The following INCA1 variants were observed in gnomAD, a reference collection of about 807,000 sequenced individuals.
The protein encoded by INCA1 is inhibitor of CDK, cyclin A1 interacting protein 1, also known as protein INCA1.
A neutral mutation model predicts 25.7 loss-of-function variants in INCA1; 28 were observed. The observed-to-expected ratio is 1.09, with a 90% CI of 0.81 to 1.49. The LOEUF (loss-of-function observed/expected upper bound fraction) is 1.49. INCA1 is among the 40% of genes most tolerant of loss of function. INCA1 has a pLI of 0.00. For synonymous variants in INCA1, 111 were observed against 103.6 expected, an observed-to-expected ratio of 1.07 and a Z score of -0.43; for missense variants, 309 against 290.9, an observed-to-expected ratio of 1.06 and a Z score of -0.45.
intron 2 of INCA1, among the ~76,000 whole-genome samples, chr17:4,992,801 T>G (rs1223592970): frequency 2.6e-5 from 3 of 117,368 alleles, no homozygotes; most frequent in African/African-American, 6.5e-5. Context: ...ACTCAAACTC[T>G]TGGGCTCAAG....
At chr17:4,988,539 A>T in exon 7 of INCA1, 1 of 1,611,034 alleles carries the variant, frequency 6.2e-7, no homozygotes, top group African/African-American at 1.3e-5. Flanking sequence ...AGGGGGCTCC[A>T]GGGAGACCAA....
At chr17:4,991,607 C>T (rs1262348137) in intron 2 of INCA1, among the ~76,000 whole-genome samples, 1 of 152,102 alleles carries the variant, frequency 6.6e-6, no homozygotes, top group Non-Finnish European at 1.5e-5. Flanking sequence ...GGCCCTTTAT[C>T]TTCTCTGTCT....
At chr17:4,992,423 A>G (rs1403856947) in intron 2 of INCA1, among the ~76,000 whole-genome samples, 1 of 151,142 alleles carries the variant, frequency 6.6e-6, no homozygotes, top group Non-Finnish European at 1.5e-5. Flanking sequence ...CTGGGACTAC[A>G]GGCGTGTGCC....
chr17:4,992,431 G>C (rs1973934376), intron 2 of INCA1, among the ~76,000 whole-genome samples: 1 of 151,574 alleles, frequency 6.6e-6, no homozygotes. Context: ...ACAGGCGTGT[G>C]CCACCATGCC....
intron 2 of INCA1, among the ~76,000 whole-genome samples, chr17:4,992,771 G>A (rs1285462647): frequency 7.9e-6 from 1 of 126,296 alleles, no homozygotes; most frequent in African/African-American, 3.1e-5. Flanking sequence ...GTGCAGTGCT[G>A]TAATCATAGC....
At chr17:4,989,865 T>A in intron 4 of INCA1, 25 bp downstream of exon 4, 1 of 1,614,204 alleles carries the variant, frequency 6.2e-7, no homozygotes, top group Non-Finnish European at 8.5e-7. Context: ...CAGAGAAATG[T>A]TAAACGGCAG....
At chr17:4,990,026 G>T (rs1377903583) in intron 3 of INCA1, 97 bp from the exon 4 acceptor site, 1 of 1,612,086 alleles carries the variant, frequency 6.2e-7, no homozygotes, top group Non-Finnish European at 8.5e-7. Flanking sequence ...CTGTCATTAG[G>T]AGCTACAATG....
intron 2 of INCA1, among the ~76,000 whole-genome samples, chr17:4,993,040 C>A (rs895878454): frequency 4.0e-5 from 6 of 150,128 alleles, no homozygotes; most frequent in African/African-American, 1.5e-4. Flanking sequence ...CCACCACACT[C>A]GGCTAATTTT....
intron 2 of INCA1, among the ~76,000 whole-genome samples, chr17:4,991,997 T>C (rs1161540725): frequency 6.6e-6 from 1 of 152,018 alleles, no homozygotes; most frequent in Non-Finnish European, 1.5e-5. Context: ...CCCAACAATA[T>C]ATTCTGCACA....
In INCA1 at chr17:4,990,192, A is replaced by T; in HGVS notation, c.118T>A (p.Tyr40Asn). 1.9e-6 allele frequency: 3 copies of T among 1,614,204 alleles called. No homozygotes were observed. In the South Asian group the frequency reaches 3.3e-5, roughly 18 times the overall value. Reference sequence around the variant, plus strand: ...AGGTTCTTCCAGAAGACATCTCCATAACGCTGGGGCATGGGTCTGAGGCTC... The same window carrying T: ...AGGTTCTTCCAGAAGACATCTCCATTACGCTGGGGCATGGGTCTGAGGCTC... Residue 40 changes from tyrosine to asparagine, a missense_variant, in exon 3 of 7, where the codon TAT becomes AAT. Tyr to Asn is a moderately radical substitution (Grantham distance 143, BLOSUM62 -2). Transcript: ENST00000576820.
At chr17:4,990,359 TA>T in intron 2 of INCA1, 94 bp from the exon 3 acceptor site, 1 of 1,415,918 alleles carries the variant, frequency 7.1e-7, no homozygotes, top group Non-Finnish European at 9.5e-7. Flanking sequence ...CATGGGACTA[TA>T]AAGCTGCCCA....
chr17:4,990,607 C>A (rs1188340342), intron 2 of INCA1, among the ~76,000 whole-genome samples: 1 of 151,954 alleles, frequency 6.6e-6, no homozygotes, highest in Admixed American at 6.6e-5. Context: ...ACTGGCCGGG[C>A]GTGGTGGCTC....
intron 2 of INCA1, among the ~76,000 whole-genome samples, 191 bp from the exon 3 acceptor site, chr17:4,990,456 T>C (rs187398773): frequency 1.3e-5 from 2 of 152,170 alleles, no homozygotes; most frequent in East Asian, 3.9e-4. Flanking sequence ...TGAAGCTGGG[T>C]TGAGGGTGGA....
At chr17:4,993,223 G>A (rs1182582852) in intron 2 of INCA1, among the ~76,000 whole-genome samples, 11 of 146,780 alleles carry the variant, frequency 7.5e-5, no homozygotes, top group East Asian at 6.1e-4. Context: ...CTTGTTGCCC[G>A]GGCTGGAGTG....
chr17:4,993,947 T>G (rs1328421892), intron 2 of INCA1, among the ~76,000 whole-genome samples: 1 of 151,574 alleles, frequency 6.6e-6, no homozygotes, highest in Non-Finnish European at 1.5e-5. Context: ...AATTTTTGTA[T>G]TTCTAGTAGA....
At chr17:4,994,905 C>T (rs983837330) in intron 1 of INCA1, among the ~76,000 whole-genome samples, 1 of 151,190 alleles carries the variant, frequency 6.6e-6, no homozygotes, top group African/African-American at 2.4e-5. Flanking sequence ...AAAGAGAGAG[C>T]TTAAAAGGTA....
chr17:4,990,151 C>G lies in INCA1; in HGVS notation c.158+1G>C. 1 of 1,614,160 alleles carries G rather than the reference C, an allele frequency of 6.2e-7. No homozygotes were observed. The highest frequency in any genetic ancestry group is 8.5e-7 in the Non-Finnish European group (1 of 1,180,032). ...TAGTTTCCATTTTCTCCTCTACTCA[C>G]GTGGGCCTTTGATTAAGGTTCTTCC... On this transcript the variant is annotated splice_donor_variant, in intron 3 of 6. Coordinates refer to ENST00000576820, the Ensembl canonical transcript of INCA1. LOFTEE classifies it high-confidence loss of function.
intron 1 of INCA1, among the ~76,000 whole-genome samples, chr17:4,996,517 ACT>A (rs1974278303): frequency 6.6e-6 from 1 of 151,698 alleles, no homozygotes; most frequent in Non-Finnish European, 1.5e-5. Flanking sequence ...CCCAGTCTCT[ACT>A]AAAAATACAA....
At position 4,988,766 on chromosome 17, in the gene INCA1, A is replaced by G; in HGVS notation, c.561+13T>C. 6.2e-7 allele frequency: 1 copy of G among 1,613,708 alleles called. No homozygotes were observed. Among genetic ancestry groups the G allele is most frequent in the Non-Finnish European group, 8.5e-7 (1 of 1,179,860 alleles). On this transcript the variant is annotated intron_variant, in intron 6 of 6. Transcript: ENST00000576820. Reference sequence around the variant, plus strand: ...TCACTCCCTCACTCCACCCAGTTCCACTCCAACAATACCTGGGCCCTGCCA... The same window carrying G: ...TCACTCCCTCACTCCACCCAGTTCCGCTCCAACAATACCTGGGCCCTGCCA...
Sources: allele counts gnomAD v4.1 joint callset (sites outside exome capture counted in the v4.1 genomes callset), GRCh38; gene constraint gnomAD v4.1.1; transcripts MANE v1.5; gene names NCBI Gene and HGNC (gene_info 2026-07-23, HGNC 2026-07-21).